ARHGAP6: variants seen among roughly 807,000 people sequenced by gnomAD.
The protein encoded by ARHGAP6 is rho GTPase-activating protein 6.
Under a neutral mutation model 55.7 loss-of-function variants are expected in ARHGAP6, and 16 were observed. That is an observed-to-expected ratio of 0.29 (90% CI 0.19 to 0.44). The LOEUF is 0.44. Among genes scored for constraint, ARHGAP6 ranks in the 20% least tolerant of loss-of-function variants. ARHGAP6 has a pLI of 1.00. For missense variants in ARHGAP6, 698 were observed against 808.9 expected (o/e 0.86, Z 1.66); for synonymous variants, 382 against 360.9 (o/e 1.06, Z -0.66).
At chrX:11,259,499 T>C (rs1253274553) in intron 1 of ARHGAP6, among the ~76,000 whole-genome samples, 1 of 112,035 alleles carries the variant, frequency 8.9e-6, no homozygotes, top group African/African-American at 3.2e-5. Flanking sequence ...AGTTAGGCTA[T>C]AATAAGTGCT....
chrX:11,571,448 T>C (rs967849854), intron 1 of ARHGAP6, among the ~76,000 whole-genome samples: 10 of 110,766 alleles, frequency 9.0e-5, no homozygotes, highest in Non-Finnish European at 1.7e-4. Flanking sequence ...GGTTACTAAA[T>C]TAAATACTAA....
chrX:11,394,927 CA>C (rs752770118), intron 1 of ARHGAP6, among the ~76,000 whole-genome samples: 2 of 111,646 alleles, frequency 1.8e-5, no homozygotes, highest in South Asian at 7.5e-4. Context: ...ACCTCTTGCT[CA>C]GATTAATAAT....
At chrX:11,430,022 C>T (rs912178958) in intron 1 of ARHGAP6, among the ~76,000 whole-genome samples, 3 of 111,396 alleles carry the variant, frequency 2.7e-5, no homozygotes, top group African/African-American at 9.8e-5. Context: ...TCTTCCATCA[C>T]GCTTGCCTTT....
At chrX:11,309,644 T>A (rs991924395) in intron 1 of ARHGAP6, among the ~76,000 whole-genome samples, 3 of 111,401 alleles carry the variant, frequency 2.7e-5, no homozygotes, top group Non-Finnish European at 3.8e-5. Flanking sequence ...TGCAGTATGA[T>A]TGCTGGAGGG....
chrX:11,361,181 A>G (rs1162097809), intron 1 of ARHGAP6, among the ~76,000 whole-genome samples: 2 of 108,308 alleles, frequency 1.8e-5, no homozygotes, highest in African/African-American at 6.7e-5. Flanking sequence ...ACCAAAAAAG[A>G]GCCCGCATCG....
chrX:11,572,282 T>C (rs1323520722), intron 1 of ARHGAP6, among the ~76,000 whole-genome samples: 3 of 110,057 alleles, frequency 2.7e-5, no homozygotes, highest in Non-Finnish European at 5.7e-5. Context: ...TGGTGTGCCG[T>C]ACCCATTAAC....
In ARHGAP6 at chrX:11,344,678, CAAAAAAAA is replaced by C. The variant is rs34123570; in HGVS notation, c.589-89979_589-89972del. On this transcript the variant is annotated intron_variant, in intron 1 of 12. Transcript: ENST00000337414. ...GGGCAACAAGAGTGAAACTCCATCA[CAAAAAAAA>C]AAAAAAAAAAAAAAAAAAGAAAAGA... 3.5e-4 allele frequency among the ~76,000 whole-genome samples: 10 copies of C among 28,263 alleles called. No homozygotes were observed. In the East Asian group the frequency reaches 4.3e-3, roughly 12 times the overall value. 24.5% of individuals were successfully genotyped at this position (28,263 alleles called of 115,157 possible). A position where few individuals can be genotyped will look rare whatever the true frequency, so the allele number is the denominator to read the frequency against.
At chrX:11,193,329 C>T (rs184656226) in intron 3 of ARHGAP6, among the ~76,000 whole-genome samples, 3 of 112,511 alleles carry the variant, frequency 2.7e-5, no homozygotes, top group African/African-American at 9.7e-5. Context: ...TTCAAATGAT[C>T]GTTTTTCACA....
chrX:11,541,641 C>G (rs1355958135), intron 1 of ARHGAP6, among the ~76,000 whole-genome samples: 1 of 112,012 alleles, frequency 8.9e-6, no homozygotes, highest in African/African-American at 3.2e-5. Context: ...ATTCAGAGGT[C>G]TTCCCCACAA....
intron 1 of ARHGAP6, among the ~76,000 whole-genome samples, chrX:11,662,879 C>A (rs1306312921): frequency 8.9e-6 from 1 of 111,839 alleles, no homozygotes; most frequent in Non-Finnish European, 1.9e-5. Context: ...GAATCCAGCC[C>A]CTCCTAAAGA....
chrX:11,385,535 A>T (rs994372736), intron 1 of ARHGAP6, among the ~76,000 whole-genome samples: 3 of 112,097 alleles, frequency 2.7e-5, no homozygotes, highest in Non-Finnish European at 5.6e-5. Context: ...TCAACATGTT[A>T]GGATATGCAA....
At chrX:11,287,426 C>T (rs2047934540) in intron 1 of ARHGAP6, among the ~76,000 whole-genome samples, 1 of 111,900 alleles carries the variant, frequency 8.9e-6, no homozygotes, top group South Asian at 3.8e-4. Context: ...GATGTGAAGA[C>T]AGCCAAGTCA....
intron 1 of ARHGAP6, among the ~76,000 whole-genome samples, chrX:11,267,849 A>C (rs1003013574): frequency 1.8e-5 from 2 of 112,467 alleles, no homozygotes; most frequent in African/African-American, 6.5e-5. Flanking sequence ...AAAACAAAAC[A>C]TAAAGATAAG....
intron 1 of ARHGAP6, among the ~76,000 whole-genome samples, chrX:11,263,610 C>G (rs2047588533): frequency 9.0e-6 from 1 of 111,220 alleles, no homozygotes; most frequent in African/African-American, 3.3e-5. Flanking sequence ...GACAGCCTTA[C>G]AGAGAACATG....
At chrX:11,546,588 T>C (rs1408456771) in intron 1 of ARHGAP6, among the ~76,000 whole-genome samples, 2 of 111,793 alleles carry the variant, frequency 1.8e-5, no homozygotes, top group African/African-American at 6.5e-5. Flanking sequence ...CTGTTTGTCT[T>C]CTACAATCAC....
intron 1 of ARHGAP6, among the ~76,000 whole-genome samples, chrX:11,513,164 G>T (rs947376620): frequency 5.4e-5 from 6 of 110,738 alleles, no homozygotes; most frequent in African/African-American, 2.0e-4. Context: ...CTGCAATACT[G>T]CCCTCTTATC....
intron 1 of ARHGAP6, among the ~76,000 whole-genome samples, chrX:11,416,912 C>T (rs2049754510): frequency 9.4e-6 from 1 of 106,817 alleles, no homozygotes. Context: ...GGGAGTGTGC[C>T]GCATTTACGC....
At chrX:11,252,975 C>T (rs757657634) in intron 2 of ARHGAP6, among the ~76,000 whole-genome samples, 1 of 112,065 alleles carries the variant, frequency 8.9e-6, no homozygotes, top group African/African-American at 3.2e-5. Context: ...GTCTTTAGAC[C>T]TCCAAGCCAG....
At chrX:11,185,122 T>C (rs932768314) in intron 5 of ARHGAP6, among the ~76,000 whole-genome samples, 1 of 108,871 alleles carries the variant, frequency 9.2e-6, no homozygotes, top group South Asian at 4.0e-4. Flanking sequence ...ATGAGGGGAA[T>C]GTCATTATGT....
Sources: allele counts gnomAD v4.1 joint callset (sites outside exome capture counted in the v4.1 genomes callset), GRCh38; gene constraint gnomAD v4.1.1; transcripts MANE v1.5; gene names NCBI Gene and HGNC (gene_info 2026-07-23, HGNC 2026-07-21).